Variants in CDH12 observed in about 807,000 individuals in gnomAD.
The protein encoded by CDH12 is cadherin-12.
In CDH12, 41 loss-of-function variants were observed where a neutral mutation model predicts 74.1. That is an observed-to-expected ratio of 0.55 (90% CI 0.43 to 0.72). The LOEUF (loss-of-function observed/expected upper bound fraction) is 0.72. Ranked by LOEUF, CDH12 falls within the 30% of genes least tolerant of loss-of-function variation. The pLI, the probability that CDH12 is intolerant of heterozygous loss-of-function variation, is 0.00. For missense variants in CDH12, 945 were observed against 977.2 expected, an observed-to-expected ratio of 0.97 and a Z score of 0.44; for synonymous variants, 399 against 355.0, an observed-to-expected ratio of 1.12 and a Z score of -1.39.
At chr5:22,383,482 G>A (rs974189347) in intron 3 of CDH12, among the ~76,000 whole-genome samples, 38 of 152,144 alleles carry the variant, frequency 2.5e-4, no homozygotes, top group Non-Finnish European at 5.6e-4. Context: ...CATAAGCAAA[G>A]GCATTGGCAA....
At chr5:22,724,379 TCACTTTTCC>T (rs1182818602) in intron 1 of CDH12, among the ~76,000 whole-genome samples, 1 of 149,794 alleles carries the variant, frequency 6.7e-6, no homozygotes, top group African/African-American at 2.5e-5. Context: ...TTATTCCTCA[TCACTTTTCC>T]AACCTTTCCC....
At chr5:22,089,359 G>C (rs909042241) in intron 4 of CDH12, among the ~76,000 whole-genome samples, 1 of 152,102 alleles carries the variant, frequency 6.6e-6, no homozygotes, top group Non-Finnish European at 1.5e-5. Flanking sequence ...ACACTGGGAT[G>C]GGGGGAAATC....
intron 1 of CDH12, among the ~76,000 whole-genome samples, chr5:22,667,953 T>C (rs62351365): frequency 6.7e-6 from 1 of 149,018 alleles, no homozygotes; most frequent in East Asian, 2.0e-4. Context: ...CTTTGTATTA[T>C]AAGGAGGGAA....
chr5:22,016,884 CTG>C (rs1454051570), intron 5 of CDH12, among the ~76,000 whole-genome samples: 1 of 152,084 alleles, frequency 6.6e-6, no homozygotes, highest in Non-Finnish European at 1.5e-5. Context: ...CCTTCAATAA[CTG>C]GGGATATTGA....
At chr5:21,982,786 A>C (rs984307564) in intron 5 of CDH12, among the ~76,000 whole-genome samples, 1 of 152,074 alleles carries the variant, frequency 6.6e-6, no homozygotes, top group Non-Finnish European at 1.5e-5. Context: ...TTTTACACTA[A>C]TTAGAACAAT....
chr5:22,289,378 A>T (rs953842586), intron 3 of CDH12, among the ~76,000 whole-genome samples: 1 of 152,228 alleles, frequency 6.6e-6, no homozygotes, highest in African/African-American at 2.4e-5. Context: ...GATTATGGAG[A>T]GAAGTCATCT....
At chr5:22,309,808 G>A (rs868195867) in intron 3 of CDH12, among the ~76,000 whole-genome samples, 24 of 152,002 alleles carry the variant, frequency 1.6e-4, no homozygotes, top group South Asian at 1.2e-3. Flanking sequence ...TTGATTGATA[G>A]TTTCTGCCAG....
At chr5:22,727,137 G>A (rs1423046963) in intron 1 of CDH12, among the ~76,000 whole-genome samples, 1 of 151,652 alleles carries the variant, frequency 6.6e-6, no homozygotes, top group East Asian at 1.9e-4. Context: ...GACCTTTATT[G>A]GGTGTGTGAC....
intron 14 of CDH12, 75 bp from the exon 15 acceptor site, chr5:21,752,311 A>T: frequency 7.2e-7 from 1 of 1,382,682 alleles, no homozygotes; most frequent in Admixed American, 2.3e-5. Context: ...AAAATTAAAA[A>T]TGATTAGGGG....
chr5:22,378,565 A>T (rs897659688), intron 3 of CDH12, among the ~76,000 whole-genome samples: 8 of 152,110 alleles, frequency 5.3e-5, no homozygotes, highest in African/African-American at 1.9e-4. Context: ...AAATCTCCAA[A>T]AATGACCACT....
At chr5:22,370,882 G>A (rs1051631021) in intron 3 of CDH12, among the ~76,000 whole-genome samples, 6 of 152,162 alleles carry the variant, frequency 3.9e-5, no homozygotes, top group South Asian at 2.1e-4. Flanking sequence ...AATTCTAGGC[G>A]TAGATGCAAC....
chr5:22,001,037 C>A (rs547588048), intron 5 of CDH12, among the ~76,000 whole-genome samples: 191 of 152,074 alleles, frequency 1.3e-3, no homozygotes, highest in African/African-American at 4.3e-3. Context: ...TTGCCCAATC[C>A]TAGGTAGCTG....
chr5:21,872,326 C>A (rs958885604), intron 6 of CDH12, among the ~76,000 whole-genome samples: 1 of 152,158 alleles, frequency 6.6e-6, no homozygotes, highest in Non-Finnish European at 1.5e-5. Flanking sequence ...GTGATTCAAA[C>A]CTACTTTGAT....
At chr5:22,142,725 G>T in intron 4 of CDH12, 1 of 314,438 alleles carries the variant, frequency 3.2e-6, no homozygotes, top group Non-Finnish European at 6.3e-6. Context: ...ATTAAGAAGT[G>T]TTTAATTAGT....
intron 6 of CDH12, among the ~76,000 whole-genome samples, chr5:21,902,284 T>TTATATGTA (rs1013058583): frequency 6.6e-6 from 1 of 150,390 alleles, no homozygotes; most frequent in Admixed American, 6.7e-5. Flanking sequence ...TACATATGTA[T>TTATATGTA]TATATGTATA....
At chr5:21,783,925 T>C (rs1275115782) in intron 10 of CDH12, among the ~76,000 whole-genome samples, 2 of 152,122 alleles carry the variant, frequency 1.3e-5, no homozygotes, top group African/African-American at 2.4e-5. Flanking sequence ...TTTCCAGAGA[T>C]AGAAAAAATA....
chr5:22,301,214 G>C (rs1003863596), intron 3 of CDH12, among the ~76,000 whole-genome samples: 5 of 152,198 alleles, frequency 3.3e-5, no homozygotes, highest in African/African-American at 9.6e-5. Flanking sequence ...GAATAGGGTG[G>C]CTATTATGAT....
chr5:22,843,514 T>C (rs1277290664), intron 1 of CDH12, among the ~76,000 whole-genome samples: 2 of 151,994 alleles, frequency 1.3e-5, no homozygotes, highest in Non-Finnish European at 2.9e-5. Flanking sequence ...AGTATTTCAT[T>C]TTTAGGAAGG....
chr5:22,723,925 T>C (rs965806467), intron 1 of CDH12, among the ~76,000 whole-genome samples: 5 of 152,000 alleles, frequency 3.3e-5, no homozygotes, highest in African/African-American at 1.2e-4. Flanking sequence ...TTTCACATAC[T>C]GTGTAATGGA....
Sources: gnomAD v4.1 joint callset for allele counts (sites outside exome capture counted in the v4.1 genomes callset) on GRCh38, gnomAD v4.1.1 for gene constraint, MANE v1.5 for transcripts, NCBI Gene and HGNC (gene_info 2026-07-23, HGNC 2026-07-21) for gene names.